ZNF33A: variants seen among roughly 807,000 people sequenced by gnomAD.
The protein encoded by ZNF33A is zinc finger protein 33A.
In ZNF33A, 9 loss-of-function variants were observed where a neutral mutation model predicts 15.9. The ratio of observed to expected loss-of-function variants is 0.57; its 90% CI spans 0.34 to 0.99. ZNF33A has a LOEUF of 0.99. Among genes scored for constraint, ZNF33A ranks in the 50% least tolerant of loss-of-function variants. The pLI, the probability that ZNF33A is intolerant of heterozygous loss-of-function variation, is 0.02. For synonymous variants in ZNF33A, 294 were observed against 324.2 expected (o/e 0.91, Z 1.00); for missense variants, 843 against 941.6 (o/e 0.90, Z 1.37).
intron 2 of ZNF33A, 75 bp downstream of exon 2, chr10:38,012,425 GTTTTTT>G (rs10716292): frequency 8.4e-4 from 443 of 529,106 alleles, no homozygotes; most frequent in East Asian, 1.0e-3. Flanking sequence ...TATGGTGTTT[GTTTTTT>G]TTTTTTTTTT....
downstream of ZNF33A, among the ~76,000 whole-genome samples, chr10:38,066,376 T>A (rs977812423): frequency 3.3e-5 from 5 of 151,900 alleles, no homozygotes; most frequent in Non-Finnish European, 7.4e-5. Context: ...CCCCCTGGGT[T>A]CAAGCAATTC....
At chr10:38,015,269 C>T (rs1163636078) in intron 2 of ZNF33A, among the ~76,000 whole-genome samples, 3 of 151,866 alleles carry the variant, frequency 2.0e-5, no homozygotes, top group Non-Finnish European at 4.4e-5. Flanking sequence ...TTATAAATGT[C>T]TTTGTAGTCC....
At chr10:38,066,900 C>G (rs780623361), downstream of ZNF33A, among the ~76,000 whole-genome samples, 1 of 152,096 alleles carries the variant, frequency 6.6e-6, no homozygotes, top group African/African-American at 2.4e-5. Context: ...TCACTGCACT[C>G]CAGCCTGGGT....
rs1298221509 is a variant in ZNF33A at position 38,059,207 on chromosome 10, T to TA, written c.*2648dup. The TA allele has an allele frequency of 6.6e-6, 1 of 152,194 alleles. No individual in the cohort carries two copies. The highest frequency in any genetic ancestry group is 1.9e-4 in the East Asian group (1 of 5,198). The allele number at this position is 152,194 out of a possible 1,614,324, so 9.4% of individuals were successfully genotyped here. ...AACACAGAAGGAATACAGGAGAACT[T>TA]ACTCAAGTTGGTAAAGAACATACTA... On this transcript the variant is annotated 3_prime_UTR_variant, in exon 5 of 5. Transcript: ENST00000432900.
rs569087219 is a variant in ZNF33A, at chr10:38,058,990, A to G, written c.*2430A>G. On this transcript the variant is annotated 3_prime_UTR_variant, in exon 5 of 5. Coordinates refer to ENST00000432900, the MANE Select transcript of ZNF33A (RefSeq NM_006954.2). ...TACAAGAAAGGAAAACTACAGATCAATATTTCCATTGAACACAGATGCAGA... is the reference window on the plus strand; with the variant it reads ...TACAAGAAAGGAAAACTACAGATCAGTATTTCCATTGAACACAGATGCAGA... 5.9e-5 allele frequency: 9 copies of G among 152,374 alleles called. No individual in the cohort carries two copies. The highest frequency in any genetic ancestry group is 1.9e-4 in the African/African-American group (8 of 41,592). The allele number at this position is 152,374 out of a possible 1,614,324, so 9.4% of individuals were successfully genotyped here. A position where few individuals can be genotyped will look rare whatever the true frequency, so the allele number is the denominator to read the frequency against.
intron 4 of ZNF33A, among the ~76,000 whole-genome samples, chr10:38,036,988 C>T (rs916886410): frequency 8.5e-5 from 13 of 152,316 alleles, no homozygotes; most frequent in Middle Eastern, 6.8e-3. Flanking sequence ...TTAGCAGTCC[C>T]TAATTACATA....
At chr10:38,025,880 A>G (rs770669649) in intron 4 of ZNF33A, among the ~76,000 whole-genome samples, 4 of 152,072 alleles carry the variant, frequency 2.6e-5, no homozygotes, top group Admixed American at 6.6e-5. Context: ...TTTCTAATAG[A>G]TTTTCATTAT....
intron 4 of ZNF33A, among the ~76,000 whole-genome samples, chr10:38,047,003 C>G (rs1396377958): frequency 6.6e-6 from 1 of 151,720 alleles, no homozygotes; most frequent in Non-Finnish European, 1.5e-5. Flanking sequence ...GAAACCTTGT[C>G]TGTACCAAAA....
At chr10:38,019,117 TA>T (rs2064608573) in intron 4 of ZNF33A, among the ~76,000 whole-genome samples, 1 of 151,984 alleles carries the variant, frequency 6.6e-6, no homozygotes, top group African/African-American at 2.4e-5. Context: ...GTATATCTCC[TA>T]ATGCTATCCC....
At chr10:38,063,002 CAAAAAAAAAAAAAAA>C (rs373779802), downstream of ZNF33A, among the ~76,000 whole-genome samples, 21 of 44,212 alleles carry the variant, frequency 4.7e-4, no homozygotes, top group South Asian at 3.8e-3. Flanking sequence ...GACTCCATCT[CAAAAAAAAAAAAAAA>C]AAAAAAAAAA....
intron 4 of ZNF33A, among the ~76,000 whole-genome samples, chr10:38,053,053 T>C (rs1467455254): frequency 2.6e-5 from 4 of 152,124 alleles, no homozygotes. Context: ...AATTTTCTTT[T>C]TTCTTACTCT....
At chr10:38,066,785 A>G (rs2066713567), downstream of ZNF33A, among the ~76,000 whole-genome samples, 1 of 151,998 alleles carries the variant, frequency 6.6e-6, no homozygotes, top group South Asian at 2.1e-4. Flanking sequence ...AAATACAAAA[A>G]TTAGCCAGGT....
chr10:38,038,433 G>A lies in ZNF33A; in HGVS notation c.251-15942G>A, dbSNP rs529041809. Among the ~76,000 whole-genome samples, 5 of 152,222 alleles carry A rather than the reference G, an allele frequency of 3.3e-5. No individual in the cohort carries two copies. In the East Asian group the frequency reaches 7.7e-4, roughly 24 times the overall value. On this transcript the variant is annotated intron_variant, in intron 4 of 4. Transcript: ENST00000432900. ...ATTTTTAAATTTTCATTTATGATTT[G>A]TTTGTTGTTAGTGAACTTGCACCCT...
intron 4 of ZNF33A, among the ~76,000 whole-genome samples, chr10:38,041,561 C>G (rs960114585): frequency 1.3e-5 from 2 of 151,508 alleles, no homozygotes; most frequent in Non-Finnish European, 2.9e-5. Context: ...TATTTAAAAC[C>G]CAACAATACA....
chr10:38,053,691 C>T (rs2135755017), intron 4 of ZNF33A, among the ~76,000 whole-genome samples: 1 of 152,256 alleles, frequency 6.6e-6, no homozygotes, highest in South Asian at 2.1e-4. Flanking sequence ...AGTTTGATTA[C>T]CCTTTGCCTC....
intron 4 of ZNF33A, among the ~76,000 whole-genome samples, chr10:38,025,840 A>G (rs1380020851): frequency 6.6e-6 from 1 of 152,214 alleles, no homozygotes; most frequent in African/African-American, 2.4e-5. Context: ...GTGGCATTAC[A>G]CTCACAATGT....
rs2066546713 is a variant in ZNF33A, at chr10:38,057,815, G to A, written c.*1255G>A. 1.0e-6 allele frequency: 1 copy of A among 985,422 alleles called. No homozygotes were observed. The allele number at this position is 985,422 out of a possible 1,614,324, so 61.0% of individuals were successfully genotyped here. On this transcript the variant is annotated 3_prime_UTR_variant, in exon 5 of 5. Coordinates refer to ENST00000432900, the MANE Select transcript of ZNF33A (RefSeq NM_006954.2). ...TTTAAGCAGCTGCTCTCCAAGACAG[G>A]GCCCTGGAAAGGCCCACACATACAG...
rs758617661 is a variant in ZNF33A, at chr10:38,055,433, G to C, written c.1309G>C (p.Gly437Arg). Residue 437 changes from glycine (G) to arginine (R), a missense_variant, in exon 5 of 5, where the codon GGG (glycine) becomes CGG (arginine). By Grantham distance (125) the Gly-to-Arg change is moderately radical. Transcript: ENST00000432900. ...CACTAAACATCAGAGAACACACACA[G>C]GGCTGAAACCCTATGAATGTTATGA... ...DLTKHQRTHT[G>R]LKPYECYECG... 3.7e-5 allele frequency: 59 copies of C among 1,613,926 alleles called. No homozygotes were observed. The highest frequency in any genetic ancestry group is 4.7e-5 in the Non-Finnish European group (55 of 1,180,004).
chr10:38,022,657 CAA>C (rs35295191), intron 4 of ZNF33A, among the ~76,000 whole-genome samples: 3 of 90,916 alleles, frequency 3.3e-5, no homozygotes, highest in Non-Finnish European at 4.2e-5. Flanking sequence ...AACTCTGTCT[CAA>C]AAAAAAAAAA....
Sources: allele counts gnomAD v4.1 joint callset (sites outside exome capture counted in the v4.1 genomes callset), GRCh38; gene constraint gnomAD v4.1.1; transcripts MANE v1.5; gene names NCBI Gene and HGNC (gene_info 2026-07-23, HGNC 2026-07-21).